LPP: variants seen among roughly 807,000 people sequenced by gnomAD.
LPP encodes LIM domain containing preferred translocation partner in lipoma, also known as lipoma-preferred partner.
Under a neutral mutation model 60.4 loss-of-function variants are expected in LPP, and 38 were observed. That is an observed-to-expected ratio of 0.63 (90% CI 0.49 to 0.83). The LOEUF (loss-of-function observed/expected upper bound fraction) is 0.83. Among genes scored for constraint, LPP ranks in the 40% least tolerant of loss-of-function variants. The probability of loss-of-function intolerance (pLI) is 0.00; values close to 1 mark genes in which losing one functional copy is unlikely to be tolerated. For synonymous variants in LPP, 328 were observed against 290.8 expected (o/e 1.13, Z -1.30); for missense variants, 902 against 783.6 (o/e 1.15, Z -1.80).
intron 1 of LPP, among the ~76,000 whole-genome samples, chr3:188,170,329 C>CTTT (rs34760455): frequency 3.1e-5 from 3 of 96,442 alleles, no homozygotes; most frequent in Non-Finnish European, 6.1e-5. Flanking sequence ...CTTTTCTTTT[C>CTTT]TTTTTTTTTT....
chr3:188,724,978 G>A (rs999822896), intron 8 of LPP, among the ~76,000 whole-genome samples: 1 of 152,148 alleles, frequency 6.6e-6, no homozygotes, highest in African/African-American at 2.4e-5. Context: ...TCACTCAGTC[G>A]GAAGTTGATG....
intron 1 of LPP, among the ~76,000 whole-genome samples, chr3:188,198,791 T>G (rs967222646): frequency 5.3e-5 from 8 of 152,112 alleles, no homozygotes; most frequent in Admixed American, 3.9e-4. Context: ...GAGAAACTGG[T>G]GTCCATGAAA....
At chr3:188,302,019 T>C (rs1750052010) in intron 2 of LPP, among the ~76,000 whole-genome samples, 1 of 151,916 alleles carries the variant, frequency 6.6e-6, no homozygotes, top group Non-Finnish European at 1.5e-5. Context: ...TGTAACATTC[T>C]CAGGGAGTTT....
intron 7 of LPP, among the ~76,000 whole-genome samples, chr3:188,695,623 G>C (rs1863080885): frequency 6.6e-6 from 1 of 152,174 alleles, no homozygotes; most frequent in South Asian, 2.1e-4. Context: ...CCATTTACAG[G>C]TGAAGACGCT....
chr3:188,566,721 G>C (rs1181303754), intron 6 of LPP, among the ~76,000 whole-genome samples: 1 of 151,738 alleles, frequency 6.6e-6, no homozygotes, highest in African/African-American at 2.4e-5. Context: ...TTAATATCAT[G>C]CTTTGGGATA....
At chr3:188,652,809 A>T (rs1228748883) in intron 7 of LPP, among the ~76,000 whole-genome samples, 2 of 152,118 alleles carry the variant, frequency 1.3e-5, no homozygotes, top group African/African-American at 4.8e-5. Flanking sequence ...ACCAGGTCCT[A>T]TTACTCACAA....
chr3:188,780,398 A>G (rs568948647), intron 9 of LPP, among the ~76,000 whole-genome samples: 2 of 152,224 alleles, frequency 1.3e-5, no homozygotes, highest in African/African-American at 4.8e-5. Flanking sequence ...AGGGCTTCCC[A>G]TCAATGGACA....
chr3:188,793,521 C>T (rs1166153463), intron 9 of LPP, among the ~76,000 whole-genome samples: 1 of 152,112 alleles, frequency 6.6e-6, no homozygotes, highest in African/African-American at 2.4e-5. Context: ...AGACCCACAT[C>T]AGCGATCTAA....
At chr3:188,592,459 A>T (rs1458832388) in intron 6 of LPP, among the ~76,000 whole-genome samples, 2 of 151,920 alleles carry the variant, frequency 1.3e-5, no homozygotes, top group Non-Finnish European at 2.9e-5. Context: ...AGTTGTTATC[A>T]CTAAAGTTTT....
chr3:188,242,167 A>G (rs996524598), intron 2 of LPP, among the ~76,000 whole-genome samples: 9 of 152,204 alleles, frequency 5.9e-5, no homozygotes, highest in African/African-American at 2.2e-4. Context: ...CACATAAGGA[A>G]TGCAGAGCTT....
intron 4 of LPP, among the ~76,000 whole-genome samples, chr3:188,482,396 C>T (rs1579239986): frequency 6.6e-6 from 1 of 152,202 alleles, no homozygotes; most frequent in East Asian, 1.9e-4. Flanking sequence ...ATTGTGAGCA[C>T]TGTTTTCATA....
chr3:188,191,309 T>G (rs1728112153), intron 1 of LPP, among the ~76,000 whole-genome samples: 1 of 152,254 alleles, frequency 6.6e-6, no homozygotes, highest in South Asian at 2.1e-4. Flanking sequence ...TGGTTAACTT[T>G]TAAAGGATAC....
At position 188,708,252 on chromosome 3, in the gene LPP, C is replaced by T. The variant is rs1290080353; in HGVS notation, c.1114-15C>T. 6.2e-7 allele frequency: 1 copy of T among 1,613,588 alleles called. No individual in the cohort carries two copies. Among genetic ancestry groups the T allele is most frequent in the Non-Finnish European group, 8.5e-7 (1 of 1,179,818 alleles). On this transcript the variant is annotated splice_polypyrimidine_tract_variant and intron_variant, in intron 7 of 11. Coordinates refer to ENST00000617246, the MANE Select transcript of LPP (RefSeq NM_001375462.1). ...TAGGTGGCAATTAAAGGACTGTGTGCTTTCTGCCTTTCAGGGTGGCCATTC... is the reference window on the plus strand; with the variant it reads ...TAGGTGGCAATTAAAGGACTGTGTGTTTTCTGCCTTTCAGGGTGGCCATTC...
chr3:188,799,096 A>G (rs1338780689), intron 9 of LPP, among the ~76,000 whole-genome samples: 1 of 152,256 alleles, frequency 6.6e-6, no homozygotes, highest in Non-Finnish European at 1.5e-5. Context: ...GCCTTTTATC[A>G]TGTTCTCATT....
intron 3 of LPP, among the ~76,000 whole-genome samples, chr3:188,362,370 G>A (rs1234477530): frequency 6.6e-6 from 1 of 152,102 alleles, no homozygotes; most frequent in African/African-American, 2.4e-5. Context: ...TTTTGTGTTT[G>A]TCTTCTTCTT....
chr3:188,478,897 G>T (rs1484359490), intron 4 of LPP, among the ~76,000 whole-genome samples: 3 of 152,004 alleles, frequency 2.0e-5, no homozygotes, highest in African/African-American at 7.3e-5. Context: ...GGGATTACAG[G>T]CTCCTGCTAC....
intron 2 of LPP, among the ~76,000 whole-genome samples, chr3:188,285,345 A>G (rs1743572066): frequency 6.6e-6 from 1 of 152,120 alleles, no homozygotes; most frequent in South Asian, 2.1e-4. Flanking sequence ...ATATTATGGT[A>G]ATCCCCATAT....
chr3:188,437,588 T>G (rs1425610060), intron 4 of LPP, among the ~76,000 whole-genome samples: 2 of 152,234 alleles, frequency 1.3e-5, no homozygotes, highest in Non-Finnish European at 2.9e-5. Flanking sequence ...ATGTTTATAG[T>G]TTTCATAATA....
rs1222969723 is a variant in LPP at position 188,875,582 on chromosome 3, G to C, written c.*1103G>C. ...TTACTTTCAAAAGAGTAGAAAGCTT[G>C]AAAAGATTCTGAAACCACAGTTTCA... On this transcript the variant is annotated 3_prime_UTR_variant, in exon 12 of 12. Coordinates refer to ENST00000617246, the MANE Select transcript of LPP (RefSeq NM_001375462.1). 2 of 208,104 alleles carry C rather than the reference G, an allele frequency of 9.6e-6. No homozygotes were observed. The highest frequency in any genetic ancestry group is 4.6e-5 in the African/African-American group (2 of 43,906). 12.9% of individuals were successfully genotyped at this position (208,104 alleles called of 1,614,324 possible). A position where few individuals can be genotyped will look rare whatever the true frequency, so the allele number is the denominator to read the frequency against.
Sources: allele counts gnomAD v4.1 joint callset (sites outside exome capture counted in the v4.1 genomes callset), GRCh38; gene constraint gnomAD v4.1.1; transcripts MANE v1.5; gene names NCBI Gene and HGNC (gene_info 2026-07-23, HGNC 2026-07-21).